The following CAST variants were observed in gnomAD, a reference collection of about 807,000 sequenced individuals.
CAST encodes the protein MIR583 host.
Under a neutral mutation model 119.6 loss-of-function variants are expected in CAST, and 76 were observed. The observed-to-expected ratio is 0.64, with a 90% CI of 0.53 to 0.77. The LOEUF (loss-of-function observed/expected upper bound fraction) is 0.77, where lower values mean the gene tolerates loss of function less well. CAST is among the 30% of genes least tolerant of loss of function. The pLI, the probability that CAST is intolerant of heterozygous loss-of-function variation, is 0.00. For synonymous variants in CAST, 319 were observed against 331.6 expected (o/e 0.96, Z 0.41); for missense variants, 953 against 946.5 (o/e 1.01, Z -0.09).
chr5:96,011,807 C>G, the CAST span, among the ~76,000 whole-genome samples: 1 of 152,150 alleles, frequency 6.6e-6, no homozygotes, highest in African/African-American at 2.4e-5. Context: ...GCATCTTTAG[C>G]TGGTTGAAAA....
chr5:96,700,246 A>G (rs1753724353), intron 3 of CAST, among the ~76,000 whole-genome samples: 1 of 152,186 alleles, frequency 6.6e-6, no homozygotes, highest in South Asian at 2.1e-4. Context: ...TTATATTTTA[A>G]TGTGCTATAA....
At chr5:96,069,621 T>C in the CAST span, among the ~76,000 whole-genome samples, 4 of 150,702 alleles carry the variant, frequency 2.7e-5, no homozygotes, top group South Asian at 6.3e-4. Context: ...TAACTAGCCC[T>C]ACAGGTGTGT....
At chr5:96,116,914 G>A in the CAST span, among the ~76,000 whole-genome samples, 1 of 152,040 alleles carries the variant, frequency 6.6e-6, no homozygotes, top group Non-Finnish European at 1.5e-5. Context: ...TAAATTATGG[G>A]GTTTTATTAT....
the CAST span, among the ~76,000 whole-genome samples, chr5:96,446,256 C>G: frequency 1.3e-5 from 2 of 151,478 alleles, no homozygotes; most frequent in South Asian, 2.1e-4. Context: ...CATAAGAATC[C>G]TATATTCTTA....
At chr5:96,006,585 G>A in the CAST span, among the ~76,000 whole-genome samples, 1 of 152,166 alleles carries the variant, frequency 6.6e-6, no homozygotes, top group African/African-American at 2.4e-5. Context: ...GACTTCAGCT[G>A]AATGGGGCTT....
At chr5:96,119,324 TA>T in the CAST span, among the ~76,000 whole-genome samples, 1 of 152,112 alleles carries the variant, frequency 6.6e-6, no homozygotes, top group South Asian at 2.1e-4. Context: ...AAAACAGAAG[TA>T]AAAACAAAAA....
the CAST span, among the ~76,000 whole-genome samples, chr5:96,223,837 T>C: frequency 6.6e-6 from 1 of 152,206 alleles, no homozygotes; most frequent in African/African-American, 2.4e-5. Flanking sequence ...AGGTAATTAC[T>C]GTCATGAGAA....
the CAST span, among the ~76,000 whole-genome samples, chr5:96,009,753 C>A: frequency 6.6e-6 from 1 of 152,120 alleles, no homozygotes; most frequent in Non-Finnish European, 1.5e-5. Flanking sequence ...TATCTGTTTA[C>A]TGTGCTGATA....
At chr5:96,460,892 T>C in the CAST span, among the ~76,000 whole-genome samples, 6 of 152,098 alleles carry the variant, frequency 3.9e-5, no homozygotes, top group Admixed American at 6.6e-5. Flanking sequence ...AGTCACATAC[T>C]ATAAAATTCA....
the CAST span, among the ~76,000 whole-genome samples, chr5:96,068,087 G>T: frequency 6.6e-6 from 1 of 152,096 alleles, no homozygotes; most frequent in Non-Finnish European, 1.5e-5. Context: ...GCACAGGTGG[G>T]AAGGACAGAG....
chr5:96,220,453 T>A, the CAST span, among the ~76,000 whole-genome samples: 1 of 152,216 alleles, frequency 6.6e-6, no homozygotes, highest in Non-Finnish European at 1.5e-5. Flanking sequence ...TGGAAATGTT[T>A]GTGAGGAGGA....
At chr5:96,059,908 G>T in the CAST span, among the ~76,000 whole-genome samples, 16 of 152,146 alleles carry the variant, frequency 1.1e-4, no homozygotes, top group Non-Finnish European at 1.6e-4. Context: ...CACCCTTAAA[G>T]ACCTGAAGAA....
At chr5:96,024,607 C>T in the CAST span, among the ~76,000 whole-genome samples, 1 of 151,918 alleles carries the variant, frequency 6.6e-6, no homozygotes, top group Non-Finnish European at 1.5e-5. Context: ...ATGCTTTTTA[C>T]AGCTACAAGC....
At chr5:96,755,868 T>C (rs1445598982) in intron 22 of CAST, among the ~76,000 whole-genome samples, 1 of 152,224 alleles carries the variant, frequency 6.6e-6, no homozygotes, top group Non-Finnish European at 1.5e-5. Flanking sequence ...GAGAGCATGC[T>C]AAGGGCCACA....
the CAST span, among the ~76,000 whole-genome samples, chr5:96,197,751 G>A: frequency 1.3e-5 from 2 of 152,110 alleles, no homozygotes; most frequent in African/African-American, 4.8e-5. Flanking sequence ...CAGGTGAGGG[G>A]CCAACCTAGA....
chr5:96,398,660 TTGAA>T, the CAST span, among the ~76,000 whole-genome samples: 2 of 152,194 alleles, frequency 1.3e-5, no homozygotes, highest in African/African-American at 2.4e-5. Flanking sequence ...TTAGCATTAT[TTGAA>T]TGGGCCTCAT....
the CAST span, among the ~76,000 whole-genome samples, chr5:96,127,712 G>A: frequency 3.9e-5 from 6 of 151,942 alleles, no homozygotes; most frequent in African/African-American, 1.4e-4. Context: ...CTCCTTCCAA[G>A]CATTTAAAAG....
the CAST span, among the ~76,000 whole-genome samples, chr5:96,295,094 C>G: frequency 1.3e-5 from 2 of 152,106 alleles, no homozygotes. Context: ...AATACTGAAG[C>G]AAACAAACTA....
chr5:96,224,507 A>G, the CAST span, among the ~76,000 whole-genome samples: 53 of 152,312 alleles, frequency 3.5e-4, no homozygotes, highest in African/African-American at 1.3e-3. Context: ...AAGATTTGAT[A>G]CACACAGAAG....
Sources: allele counts gnomAD v4.1 joint callset (sites outside exome capture counted in the v4.1 genomes callset), GRCh38; gene constraint gnomAD v4.1.1; transcripts MANE v1.5; gene names NCBI Gene and HGNC (gene_info 2026-07-23, HGNC 2026-07-21).